The following ZNF354C variants were observed in gnomAD, a reference collection of about 807,000 sequenced individuals.
The protein encoded by ZNF354C is zinc finger protein 354C, also known as KRAB-zinc finger protein synten.
ZNF354C carries 7 observed loss-of-function variants against 12.4 expected under a neutral mutation model. That is an observed-to-expected ratio of 0.56 (90% CI 0.32 to 1.06). ZNF354C has a LOEUF of 1.06. ZNF354C is among the 50% of genes least tolerant of loss of function. The pLI is 0.04. For missense variants in ZNF354C, 609 were observed against 658.0 expected (o/e 0.93, Z 0.81); for synonymous variants, 202 against 224.5 (o/e 0.90, Z 0.90).
chr5:179,082,713 C>T lies in ZNF354C; in HGVS notation c.*2616C>T. The T allele has an allele frequency of 6.3e-7, 1 of 1,586,622 alleles. No individual in the cohort carries two copies. Among genetic ancestry groups the T allele is most frequent in the Non-Finnish European group, 8.6e-7 (1 of 1,157,272 alleles). ...AGCTTGACGGATCTTTCTTTCTGCA[C>T]CAAACCCCATTGAGTTATCTGGTCC... On this transcript the variant is annotated 3_prime_UTR_variant, in exon 5 of 5. Coordinates refer to ENST00000315475, the MANE Select transcript of ZNF354C (RefSeq NM_014594.3).
intron 2 of ZNF354C, among the ~76,000 whole-genome samples, chr5:179,069,518 G>GC (rs1762012985): frequency 1.4e-5 from 2 of 146,590 alleles, no homozygotes; most frequent in African/African-American, 5.0e-5. Context: ...AGCCCAGACT[G>GC]GCCACTGCAC....
chr5:179,074,597 G>T (rs528201008), intron 2 of ZNF354C, among the ~76,000 whole-genome samples: 1 of 152,276 alleles, frequency 6.6e-6, no homozygotes, highest in African/African-American at 2.4e-5. Flanking sequence ...TCTTCACACA[G>T]ACCCAGAGTC....
chr5:179,073,205 T>C (rs963382808), intron 2 of ZNF354C, among the ~76,000 whole-genome samples: 1 of 152,048 alleles, frequency 6.6e-6, no homozygotes, highest in African/African-American at 2.4e-5. Context: ...TCTTCAAGAA[T>C]CAAGATGAAA....
chr5:179,062,301 C>A (rs1761904183), intron 2 of ZNF354C, among the ~76,000 whole-genome samples: 1 of 152,174 alleles, frequency 6.6e-6, no homozygotes, highest in South Asian at 2.1e-4. Context: ...ACTCTTAATT[C>A]ACCCCGCTCA....
At chr5:179,072,922 G>A (rs993054588) in intron 2 of ZNF354C, among the ~76,000 whole-genome samples, 7 of 152,002 alleles carry the variant, frequency 4.6e-5, no homozygotes, top group East Asian at 1.9e-4. Flanking sequence ...ATAACATATC[G>A]CAATTCAGAA....
At chr5:179,063,190 A>C (rs1761916665) in intron 2 of ZNF354C, among the ~76,000 whole-genome samples, 2 of 152,318 alleles carry the variant, frequency 1.3e-5, no homozygotes, top group South Asian at 4.1e-4. Context: ...AAGTTATTTT[A>C]TCTCTCTGTA....
At chr5:179,077,631 G>GTT (rs1299175076) in intron 4 of ZNF354C, among the ~76,000 whole-genome samples, 3 of 152,048 alleles carry the variant, frequency 2.0e-5, no homozygotes, top group African/African-American at 7.2e-5. Context: ...AAAAAGAAAG[G>GTT]TAATATGAAA....
intron 2 of ZNF354C, among the ~76,000 whole-genome samples, chr5:179,064,077 G>A (rs1472884527): frequency 6.6e-6 from 1 of 152,184 alleles, no homozygotes; most frequent in Non-Finnish European, 1.5e-5. Flanking sequence ...AGGGTTGTTC[G>A]CTATCTGAGC....
At chr5:179,062,496 C>T (rs1018974455) in intron 2 of ZNF354C, among the ~76,000 whole-genome samples, 1 of 152,198 alleles carries the variant, frequency 6.6e-6, no homozygotes, top group Non-Finnish European at 1.5e-5. Context: ...GTACAGGATC[C>T]TGTGCAGCAC....
rs1176401802 is a variant in ZNF354C, at chr5:179,078,638, G to T, written c.251-45G>T. The stretch of plus-strand genomic sequence containing the variant: ...TTTTGTCTCACCGATACATCAGTTT[G>T]TTTCTTCCAGCAGAGGAGGCATTAA... On this transcript the variant is annotated intron_variant, in intron 4 of 4. Transcript: ENST00000315475. 4.7e-6 allele frequency: 7 copies of T among 1,490,552 alleles called. No individual in the cohort carries two copies. The East Asian group carries it at 1.6e-4, about 34-fold the overall frequency. 92.3% of individuals were successfully genotyped at this position (1,490,552 alleles called of 1,614,324 possible).
chr5:179,075,352 G>T (rs960940954), intron 2 of ZNF354C, among the ~76,000 whole-genome samples: 1 of 151,816 alleles, frequency 6.6e-6, no homozygotes, highest in African/African-American at 2.4e-5. Flanking sequence ...AACCTGGGAG[G>T]CAGAGGTTGC....
chr5:179,062,075 G>A lies in ZNF354C; in HGVS notation c.7G>A (p.Val3Met). 1 of 1,614,214 alleles carries A rather than the reference G, an allele frequency of 6.2e-7. No individual in the cohort carries two copies. The highest frequency in any genetic ancestry group is 8.5e-7 in the Non-Finnish European group (1 of 1,180,042). The change falls in exon 2 of 5, where the codon GTG becomes ATG. Residue 3 changes from valine to methionine, a missense_variant. Physicochemically the swap from Val to Met is conservative, Grantham distance 21. Coordinates refer to ENST00000315475, the MANE Select transcript of ZNF354C (RefSeq NM_014594.3). MA[V>M]DLLSAQEPVT... Reference sequence around the variant, plus strand: ...GAAGACTGAGGAGGAAGGGATGGCTGTGGATCTGCTGTCTGCTCAGGTGAG... The same window carrying A: ...GAAGACTGAGGAGGAAGGGATGGCTATGGATCTGCTGTCTGCTCAGGTGAG...
In ZNF354C at chr5:179,082,783, C is replaced by T; in HGVS notation, c.*2686C>T. ...ATTAGGCGAGGATCACTGGCATCAT[C>T]CAGGGTGATGTTCTTCAAGCGACTG... On this transcript the variant is annotated 3_prime_UTR_variant, in exon 5 of 5. Coordinates refer to ENST00000315475, the MANE Select transcript of ZNF354C (RefSeq NM_014594.3). 7.4e-7 allele frequency: 1 copy of T among 1,356,186 alleles called. No homozygotes were observed. The highest frequency in any genetic ancestry group is 1.1e-6 in the Non-Finnish European group (1 of 946,344). 84.0% of individuals were successfully genotyped at this position (1,356,186 alleles called of 1,614,324 possible).
At chr5:179,064,910 T>C (rs1007212303) in intron 2 of ZNF354C, among the ~76,000 whole-genome samples, 2 of 152,170 alleles carry the variant, frequency 1.3e-5, no homozygotes, top group Non-Finnish European at 2.9e-5. Context: ...ATAGGTTCTT[T>C]GCAATATTAC....
intron 4 of ZNF354C, among the ~76,000 whole-genome samples, chr5:179,077,402 T>C (rs1453827262): frequency 6.6e-6 from 1 of 152,162 alleles, no homozygotes; most frequent in African/African-American, 2.4e-5. Context: ...TAACAGAGAG[T>C]AGTTTAGAGT....
chr5:179,064,370 C>T (rs1350402062), intron 2 of ZNF354C, among the ~76,000 whole-genome samples: 1 of 151,426 alleles, frequency 6.6e-6, no homozygotes, highest in Non-Finnish European at 1.5e-5. Flanking sequence ...CTTGGCTTCC[C>T]AAAGTGCTGG....
intron 2 of ZNF354C, among the ~76,000 whole-genome samples, chr5:179,072,852 ATG>A: frequency 6.6e-6 from 1 of 152,292 alleles, no homozygotes; most frequent in Admixed American, 6.5e-5. Flanking sequence ...ATGTATGTAT[ATG>A]TTGTATGTGT....
At chr5:179,075,284 T>G in intron 2 of ZNF354C, among the ~76,000 whole-genome samples, 1 of 147,130 alleles carries the variant, frequency 6.8e-6, no homozygotes, top group Non-Finnish European at 1.5e-5. Flanking sequence ...AAAAATAAGC[T>G]GGTGGTATGT....
At chr5:179,070,323 A>G (rs1337563412) in intron 2 of ZNF354C, among the ~76,000 whole-genome samples, 1 of 152,184 alleles carries the variant, frequency 6.6e-6, no homozygotes, top group African/African-American at 2.4e-5. Context: ...CCTGGTGCCA[A>G]AAGGCTTGGG....
Sources: allele counts gnomAD v4.1 joint callset (sites outside exome capture counted in the v4.1 genomes callset), GRCh38; gene constraint gnomAD v4.1.1; transcripts MANE v1.5; gene names NCBI Gene and HGNC (gene_info 2026-07-23, HGNC 2026-07-21).